Variants in MGAT4C observed in about 807,000 individuals in gnomAD.
MGAT4C encodes the protein alpha-1,3-mannosyl-glycoprotein 4-beta-N-acetylglucosaminyltransferase C.
Under a neutral mutation model 40.1 loss-of-function variants are expected in MGAT4C, and 19 were observed. The observed-to-expected ratio is 0.47, with a 90% CI of 0.33 to 0.70. The LOEUF (loss-of-function observed/expected upper bound fraction) is 0.70. Among genes scored for constraint, MGAT4C ranks in the 30% least tolerant of loss-of-function variants. The pLI, the probability that MGAT4C is intolerant of heterozygous loss-of-function variation, is 0.02. For missense variants in MGAT4C, 491 were observed against 563.2 expected (o/e 0.87, Z 1.30); for synonymous variants, 181 against 187.1 (o/e 0.97, Z 0.27).
intron 1 of MGAT4C, among the ~76,000 whole-genome samples, chr12:86,129,261 A>G (rs1041839831): frequency 1.3e-5 from 2 of 152,170 alleles, no homozygotes; most frequent in Admixed American, 1.3e-4. Flanking sequence ...GAAGCATATT[A>G]CAGAAGTGAG....
intron 4 of MGAT4C, among the ~76,000 whole-genome samples, chr12:86,310,549 C>T (rs1954046760): frequency 6.6e-6 from 1 of 152,114 alleles, no homozygotes; most frequent in Admixed American, 6.6e-5. Flanking sequence ...AATGTGAATA[C>T]TCTCATAGCC....
intron 2 of MGAT4C, among the ~76,000 whole-genome samples, chr12:86,599,053 C>T (rs1961655103): frequency 2.0e-5 from 3 of 152,200 alleles, no homozygotes; most frequent in Admixed American, 2.0e-4. Context: ...GTACACCATT[C>T]CTTCTTCACT....
chr12:86,380,886 A>G lies in MGAT4C; in HGVS notation c.-119-46759T>C, dbSNP rs1031961304. Among the ~76,000 whole-genome samples, 2 of 152,356 alleles carry G rather than the reference A, an allele frequency of 1.3e-5. 1 individual carries two copies. The highest frequency in any genetic ancestry group is 4.1e-4 in the South Asian group (2 of 4,826). On this transcript the variant is annotated intron_variant, in intron 3 of 7. Transcript: ENST00000548651. ...ATATAATTCAGGAAAAAATAATTTT[A>G]AATGTTCTTAAAAGACATTTATTTC...
intron 1 of MGAT4C, among the ~76,000 whole-genome samples, chr12:86,773,703 G>A (rs1412323496): frequency 6.6e-6 from 1 of 151,710 alleles, no homozygotes. Context: ...CTATTTATAA[G>A]ACAAGTGATA....
intron 2 of MGAT4C, among the ~76,000 whole-genome samples, chr12:86,606,455 C>T (rs1434549923): frequency 1.3e-5 from 2 of 152,048 alleles, no homozygotes. Flanking sequence ...TACAGATTGC[C>T]ATATTCTTCT....
chr12:85,981,203 T>C (rs570340210), intron 4 of MGAT4C, among the ~76,000 whole-genome samples: 1 of 152,214 alleles, frequency 6.6e-6, no homozygotes, highest in South Asian at 2.1e-4. Context: ...TAATCTAAAA[T>C]TAGGAATTAG....
At chr12:86,283,068 G>A (rs1342800342) in intron 4 of MGAT4C, among the ~76,000 whole-genome samples, 2 of 152,014 alleles carry the variant, frequency 1.3e-5, no homozygotes, top group East Asian at 3.9e-4. Context: ...GGAGCCTTTT[G>A]TCTTCATACC....
chr12:85,989,214 A>G (rs1009486304), intron 3 of MGAT4C, among the ~76,000 whole-genome samples, 186 bp downstream of exon 3: 3 of 152,176 alleles, frequency 2.0e-5, no homozygotes, highest in Middle Eastern at 6.8e-3. Flanking sequence ...ATATTGGAAC[A>G]TAATTCAAAA....
chr12:86,623,987 G>T (rs142513151), intron 2 of MGAT4C, among the ~76,000 whole-genome samples: 1 of 152,052 alleles, frequency 6.6e-6, no homozygotes, highest in Non-Finnish European at 1.5e-5. Context: ...TGTCACCAGA[G>T]AATTTTCACT....
intron 3 of MGAT4C, among the ~76,000 whole-genome samples, chr12:86,422,621 T>A (rs554950940): frequency 6.6e-6 from 1 of 152,252 alleles, no homozygotes; most frequent in East Asian, 1.9e-4. Flanking sequence ...CTATGCTAAC[T>A]CTCAATTTAA....
intron 1 of MGAT4C, among the ~76,000 whole-genome samples, chr12:86,175,588 T>G (rs1887316604): frequency 6.6e-6 from 1 of 152,102 alleles, no homozygotes; most frequent in African/African-American, 2.4e-5. Context: ...GTACGTGGCT[T>G]TGTAATGTCA....
chr12:86,161,759 G>A (rs1016871665), intron 1 of MGAT4C, among the ~76,000 whole-genome samples: 2 of 151,992 alleles, frequency 1.3e-5, no homozygotes, highest in Non-Finnish European at 2.9e-5. Flanking sequence ...CTAGGCATTC[G>A]ACAAAGGCCT....
intron 1 of MGAT4C, among the ~76,000 whole-genome samples, chr12:86,223,874 C>T (rs966723901): frequency 2.0e-5 from 3 of 152,172 alleles, no homozygotes; most frequent in Admixed American, 6.5e-5. Flanking sequence ...CCTACCCACC[C>T]TGTTGCAGTC....
chr12:86,675,299 A>T (rs375981481), intron 2 of MGAT4C, among the ~76,000 whole-genome samples: 8 of 152,152 alleles, frequency 5.3e-5, no homozygotes, highest in East Asian at 1.9e-4. Flanking sequence ...TCTTCGTAAA[A>T]AGAGGCCACT....
At chr12:86,694,215 C>T (rs1169455440) in intron 2 of MGAT4C, among the ~76,000 whole-genome samples, 1 of 152,208 alleles carries the variant, frequency 6.6e-6, no homozygotes, top group South Asian at 2.1e-4. Flanking sequence ...GCCCTAGTTA[C>T]CACCTCTACA....
chr12:86,739,857 A>C (rs554913444), intron 1 of MGAT4C, among the ~76,000 whole-genome samples: 160 of 149,158 alleles, frequency 1.1e-3, no homozygotes, highest in African/African-American at 3.7e-3. Flanking sequence ...TATGCACACA[A>C]ACACACACAC....
intron 3 of MGAT4C, among the ~76,000 whole-genome samples, chr12:86,338,119 A>G (rs1209159564): frequency 6.6e-6 from 1 of 152,164 alleles, no homozygotes; most frequent in African/African-American, 2.4e-5. Flanking sequence ...GGGATACTAA[A>G]GTTTTATTAT....
rs767559299 is a variant in MGAT4C, at chr12:85,966,846, T to A, written c.*12443A>T. On this transcript the variant is annotated 3_prime_UTR_variant, in exon 5 of 5. Coordinates refer to ENST00000611864, the MANE Select transcript of MGAT4C (RefSeq NM_001351288.2). Reference sequence around the variant, plus strand: ...GTTCTCATAGGTGGGAACTGAACATTGAGAACACATAGACACAGGAAGGGG... The same window carrying A: ...GTTCTCATAGGTGGGAACTGAACATAGAGAACACATAGACACAGGAAGGGG... 1 of 145,220 alleles carries A rather than the reference T, an allele frequency of 6.9e-6. No homozygotes were observed. Among genetic ancestry groups the A allele is most frequent in the Admixed American group, 7.1e-5 (1 of 14,022 alleles). 9.0% of individuals were successfully genotyped at this position (145,220 alleles called of 1,614,324 possible).
chr12:86,711,932 C>T (rs191356293), intron 2 of MGAT4C, among the ~76,000 whole-genome samples: 2 of 152,200 alleles, frequency 1.3e-5, no homozygotes, highest in Admixed American at 6.6e-5. Flanking sequence ...CTGCACAGAT[C>T]ATATGCCCAC....
Sources: gnomAD v4.1 joint callset for allele counts (sites outside exome capture counted in the v4.1 genomes callset) on GRCh38, gnomAD v4.1.1 for gene constraint, MANE v1.5 for transcripts, NCBI Gene and HGNC (gene_info 2026-07-23, HGNC 2026-07-21) for gene names.